Variants in RBM47 observed in about 807,000 individuals in gnomAD.
RBM47 encodes RNA binding motif protein 47.
Under a neutral mutation model 47.1 loss-of-function variants are expected in RBM47, and 21 were observed. That is an observed-to-expected ratio of 0.45 (90% CI 0.32 to 0.64). The LOEUF is 0.64. Ranked by LOEUF, RBM47 falls within the 30% of genes least tolerant of loss-of-function variation. The probability of loss-of-function intolerance (pLI) is 0.05; values close to 1 mark genes in which losing one functional copy is unlikely to be tolerated. For missense variants in RBM47, 708 were observed against 870.9 expected (o/e 0.81, Z 2.35); for synonymous variants, 375 against 361.7 (o/e 1.04, Z -0.42).
At chr4:40,528,996 GA>G (rs1204024766) in intron 2 of RBM47, among the ~76,000 whole-genome samples, 35 of 151,448 alleles carry the variant, frequency 2.3e-4, no homozygotes, top group African/African-American at 8.2e-4. Context: ...AATAAAGAAA[GA>G]AATAATAAAA....
intron 2 of RBM47, among the ~76,000 whole-genome samples, chr4:40,498,182 A>T (rs1272642504): frequency 6.6e-6 from 1 of 151,496 alleles, no homozygotes; most frequent in Admixed American, 6.6e-5. Context: ...TTCACTGAAC[A>T]AGCTGGTTCT....
At chr4:40,581,346 C>T (rs1205009835) in intron 1 of RBM47, among the ~76,000 whole-genome samples, 1 of 151,578 alleles carries the variant, frequency 6.6e-6, no homozygotes, top group Admixed American at 6.6e-5. Context: ...CCCTTGAGTC[C>T]GGGAAGCAGC....
intron 1 of RBM47, among the ~76,000 whole-genome samples, chr4:40,597,204 G>A (rs1157959926): frequency 1.3e-5 from 2 of 151,978 alleles, no homozygotes; most frequent in African/African-American, 4.8e-5. Context: ...AGGTTGCAGT[G>A]AGCCGAGATC....
chr4:40,433,546 G>A lies in RBM47; in HGVS notation c.1331-684C>T, dbSNP rs1711708637. ...GGAAAACAGGCTTAGACGAAGAAGTGAGATCAGAGGCTTGAAGCCTACTGC... is the reference window on the plus strand; with the variant it reads ...GGAAAACAGGCTTAGACGAAGAAGTAAGATCAGAGGCTTGAAGCCTACTGC... On this transcript the variant is annotated intron_variant, in intron 5 of 6. Transcript: ENST00000295971. Among the ~76,000 whole-genome samples the A allele has an allele frequency of 2.6e-5, 4 of 152,220 alleles. No homozygotes were observed. The South Asian group carries it at 6.2e-4, about 24-fold the overall frequency.
chr4:40,449,377 T>C (rs7689954), intron 3 of RBM47, among the ~76,000 whole-genome samples: 63,608 of 152,104 alleles, frequency 0.42, 15,947 homozygotes, highest in South Asian at 0.68. Flanking sequence ...CTCGCTCATC[T>C]GAGAAAGCGT....
chr4:40,525,498 T>C (rs946401631), intron 2 of RBM47, among the ~76,000 whole-genome samples: 1 of 152,206 alleles, frequency 6.6e-6, no homozygotes, highest in African/African-American at 2.4e-5. Context: ...ACATTCACCT[T>C]TCAAACAATT....
rs369526936 is a variant in RBM47, at chr4:40,438,918, C to A, written c.-25G>T. 12 of 1,507,786 alleles carry A rather than the reference C, an allele frequency of 8.0e-6. No individual in the cohort carries two copies. Among genetic ancestry groups the A allele is most frequent in the Non-Finnish European group, 1.1e-5 (12 of 1,130,516 alleles). The allele number at this position is 1,507,786 out of a possible 1,614,324, so 93.4% of individuals were successfully genotyped here. On this transcript the variant is annotated 5_prime_UTR_variant, in exon 4 of 7. Coordinates refer to ENST00000295971, the MANE Select transcript of RBM47 (RefSeq NM_001098634.2). ...TAATGTCAAAGGCATCCACAGCTGG[C>A]GGAAACCTGGGGAAGCAGAAAGAAG...
chr4:40,590,058 C>G (rs572432103), intron 1 of RBM47, among the ~76,000 whole-genome samples: 3 of 152,208 alleles, frequency 2.0e-5, no homozygotes, highest in African/African-American at 4.8e-5. Context: ...AATTGAGAAG[C>G]CTTTCCCCAA....
chr4:40,472,592 T>C (rs1719075211), intron 2 of RBM47, among the ~76,000 whole-genome samples: 1 of 151,724 alleles, frequency 6.6e-6, no homozygotes, highest in Admixed American at 6.6e-5. Flanking sequence ...CATGTTTTTC[T>C]TCAAATGCTA....
In RBM47 at chr4:40,502,339, G is replaced by A. The variant is rs115992827; in HGVS notation, c.-154-35640C>T. Reference sequence around the variant, plus strand: ...CTGTTCAAAAAATGGAGTCCAGAACGTCATTTGATGAATATAGCCTGGTCT... The same window carrying A: ...CTGTTCAAAAAATGGAGTCCAGAACATCATTTGATGAATATAGCCTGGTCT... On this transcript the variant is annotated intron_variant, in intron 2 of 6. Coordinates refer to ENST00000295971, the MANE Select transcript of RBM47 (RefSeq NM_001098634.2). Among the ~76,000 whole-genome samples the A allele has an allele frequency of 2.9e-3, 435 of 152,242 alleles. 3 individuals are homozygous for A. Among genetic ancestry groups the A allele is most frequent in the African/African-American group, 9.9e-3 (412 of 41,550 alleles).
At chr4:40,576,029 A>G (rs1732265614) in intron 1 of RBM47, among the ~76,000 whole-genome samples, 1 of 152,202 alleles carries the variant, frequency 6.6e-6, no homozygotes, top group Admixed American at 6.5e-5. Context: ...CACCCAAGGC[A>G]GGGTTCTCCT....
intron 1 of RBM47, among the ~76,000 whole-genome samples, chr4:40,626,271 AAGT>A (rs1737727626): frequency 6.6e-6 from 1 of 152,230 alleles, no homozygotes; most frequent in Non-Finnish European, 1.5e-5. Flanking sequence ...ACCACACAGA[AAGT>A]AGAGGAAAGG....
chr4:40,550,557 T>A (rs1363117238), intron 1 of RBM47, among the ~76,000 whole-genome samples: 1 of 152,192 alleles, frequency 6.6e-6, no homozygotes, highest in Non-Finnish European at 1.5e-5. Context: ...TAGCTGGGAC[T>A]ACAGGTGCCC....
At chr4:40,511,593 A>G (rs1007275578) in intron 2 of RBM47, among the ~76,000 whole-genome samples, 6 of 152,228 alleles carry the variant, frequency 3.9e-5, no homozygotes, top group Admixed American at 6.5e-5. Flanking sequence ...TCATGAAACC[A>G]TAAGAACCCC....
intron 1 of RBM47, among the ~76,000 whole-genome samples, chr4:40,606,815 G>C (rs1321441995): frequency 6.6e-6 from 1 of 152,060 alleles, no homozygotes; most frequent in Non-Finnish European, 1.5e-5. Flanking sequence ...ACAAGCCTGA[G>C]CAACACAGTG....
Position 40,604,451 on chromosome 4 carries a change from T to A in RBM47, c.-240+24945A>T, listed in dbSNP as rs1735562876. 2.6e-5 allele frequency among the ~76,000 whole-genome samples: 4 copies of A among 151,814 alleles called. No individual in the cohort carries two copies. In the South Asian group the frequency reaches 8.3e-4, roughly 32 times the overall value. Reference sequence around the variant, plus strand: ...ACCAGCCTGGGCAACATAGCAAAACTCCATGTCTAAAAAATTGTTTTAAAA... The same window carrying A: ...ACCAGCCTGGGCAACATAGCAAAACACCATGTCTAAAAAATTGTTTTAAAA... On this transcript the variant is annotated intron_variant, in intron 1 of 6. Transcript: ENST00000295971.
At chr4:40,542,429 T>G (rs1472773394) in intron 2 of RBM47, 2 of 152,284 alleles carry the variant, frequency 1.3e-5, no homozygotes, top group Non-Finnish European at 2.9e-5. Flanking sequence ...CAGGTCTCAG[T>G]TAGAATGCCA....
chr4:40,521,373 G>A (rs949807091), intron 2 of RBM47, among the ~76,000 whole-genome samples: 2 of 151,826 alleles, frequency 1.3e-5, no homozygotes, highest in African/African-American at 2.4e-5. Context: ...GCTAATTTTT[G>A]TATTTTTAGT....
intron 3 of RBM47, among the ~76,000 whole-genome samples, chr4:40,450,916 G>T (rs1715325993): frequency 6.6e-6 from 1 of 152,152 alleles, no homozygotes; most frequent in Non-Finnish European, 1.5e-5. Flanking sequence ...AGAATTACTG[G>T]TGGAGTCTAT....
Sources: allele counts gnomAD v4.1 joint callset (sites outside exome capture counted in the v4.1 genomes callset), GRCh38; gene constraint gnomAD v4.1.1; transcripts MANE v1.5; gene names NCBI Gene and HGNC (gene_info 2026-07-23, HGNC 2026-07-21).